The following PVALEF variants were observed in gnomAD, a reference collection of about 807,000 sequenced individuals.
PVALEF encodes the protein parvalbumin like EF-hand containing.
In PVALEF, 2 loss-of-function variants were observed where a neutral mutation model predicts 1.2. The observed-to-expected ratio is 1.68, with a 90% CI of 0.69 to 5.28. The LOEUF (loss-of-function observed/expected upper bound fraction) is 5.28, where lower values mean the gene tolerates loss of function less well. PVALEF is among the 30% of genes most tolerant of loss of function. The pLI is 0.06. For missense variants in PVALEF, 35 were observed against 17.7 expected (o/e 1.97, Z -1.75); for synonymous variants, 16 against 6.5 (o/e 2.47, Z -2.24).
At chr17:81,165,851 T>C (rs918858920) in intron 1 of PVALEF, 104 bp downstream of exon 1, 6 of 1,527,682 alleles carry the variant, frequency 3.9e-6, no homozygotes, top group Non-Finnish European at 4.4e-6. Context: ...TTAATTTCCA[T>C]GCAAACCGGG....
At chr17:81,166,956 G>A (rs188255821) in intron 2 of PVALEF, 112 bp downstream of exon 2, 152 of 317,746 alleles carry the variant, frequency 4.8e-4, no homozygotes, top group African/African-American at 3.3e-3. Context: ...TTGGGGCGGG[G>A]CAGGGTCCCC....
rs768560467 is a variant in PVALEF at position 81,183,016 on chromosome 17, A to G, written c.*5A>G. The G allele has an allele frequency of 9.0e-5, 36 of 398,578 alleles. No homozygotes were observed. Among genetic ancestry groups the G allele is most frequent in the Non-Finnish European group, 1.4e-4 (32 of 226,088 alleles). The allele number at this position is 398,578 out of a possible 1,614,324, so 24.7% of individuals were successfully genotyped here. A position where few individuals can be genotyped will look rare whatever the true frequency, so the allele number is the denominator to read the frequency against. ...AAAATTCCAAAGAAGAAGTAGCACC[A>G]TGACTAGCCCTGGCCAGCCAAGGGG... On this transcript the variant is annotated 3_prime_UTR_variant, in exon 7 of 7. Transcript: ENST00000637878.
rs528757136 is a variant in PVALEF, at chr17:81,172,750, C to T, written c.-340+5906C>T. 1.1e-4 allele frequency among the ~76,000 whole-genome samples: 16 copies of T among 152,122 alleles called. 1 individual carries two copies. Among genetic ancestry groups the T allele is most frequent in the South Asian group, 2.1e-4 (1 of 4,816 alleles). ...CTGCACTCCAGCCTGGGCGACAGAG[C>T]GAGACTCTGTCTCAAAACAAAACAA... is the stretch of plus-strand genomic sequence containing the variant. On this transcript the variant is annotated intron_variant, in intron 2 of 6. Transcript: ENST00000637878.
intron 2 of PVALEF, 56 bp downstream of exon 2, chr17:81,166,900 T>C (rs1271319076): frequency 8.9e-6 from 3 of 336,542 alleles, no homozygotes; most frequent in South Asian, 4.2e-5. Flanking sequence ...TCCCCTATGT[T>C]TCTCCCAGGA....
chr17:81,166,042 C>A (rs2061487006), intron 1 of PVALEF: 22 of 1,395,722 alleles, frequency 1.6e-5, no homozygotes, highest in Non-Finnish European at 1.8e-5. Context: ...GCGCTCAGGA[C>A]GCCCGCGGCC....
chr17:81,170,172 T>C (rs2061515400), intron 2 of PVALEF, among the ~76,000 whole-genome samples: 1 of 151,644 alleles, frequency 6.6e-6, no homozygotes, highest in African/African-American at 2.4e-5. Context: ...TGTGTGCATG[T>C]GTAGGTGTGT....
chr17:81,166,228 G>A (rs935437804), intron 1 of PVALEF, among the ~76,000 whole-genome samples: 1 of 136,896 alleles, frequency 7.3e-6, no homozygotes, highest in African/African-American at 2.7e-5. Context: ...GTCCGAAAAC[G>A]CGGGCGGGAG....
At chr17:81,168,668 C>T (rs8068170) in intron 2 of PVALEF, among the ~76,000 whole-genome samples, 8,192 of 152,192 alleles carry the variant, frequency 0.054, 560 homozygotes, top group African/African-American at 0.16. Context: ...AGGAGCTGAC[C>T]GAGGAGCCCA....
At chr17:81,182,886 CCT>C (rs2061559617) in intron 6 of PVALEF, 77 bp from the exon 7 acceptor site, 1 of 398,154 alleles carries the variant, frequency 2.5e-6, no homozygotes, top group African/African-American at 2.1e-5. Context: ...CCCTCTGCCT[CCT>C]CTGAGAGTTA....
At chr17:81,165,885 C>T (rs1023329520) in intron 1 of PVALEF, 138 bp downstream of exon 1, 10 of 1,550,202 alleles carry the variant, frequency 6.5e-6, no homozygotes, top group African/African-American at 2.8e-5. Flanking sequence ...AGGGGCATCA[C>T]GTCCGCAGCG....
chr17:81,179,321 C>T (rs1238943465), intron 3 of PVALEF, among the ~76,000 whole-genome samples, 169 bp downstream of exon 3: 3 of 152,156 alleles, frequency 2.0e-5, no homozygotes, highest in African/African-American at 7.2e-5. Flanking sequence ...AAGGAATGGC[C>T]CTCCCTGCCA....
Position 81,181,692 on chromosome 17 carries a change from CAAGT to C in PVALEF, c.242+1_242+4del. ...GTGGCTTCATTGAGTGGAACGAGAT[CAAGT>C]AATGGCTGGCGGCCACGGAGGGGTG... On this transcript the variant is annotated splice_donor_variant and coding_sequence_variant, in exon 5 of 7. Transcript: ENST00000637878. LOFTEE classifies it high-confidence loss of function. 2.5e-6 allele frequency: 1 copy of C among 400,946 alleles called. No homozygotes were observed. Among genetic ancestry groups the C allele is most frequent in the Non-Finnish European group, 4.4e-6 (1 of 227,640 alleles). 24.8% of individuals were successfully genotyped at this position (400,946 alleles called of 1,614,324 possible).
intron 2 of PVALEF, among the ~76,000 whole-genome samples, chr17:81,175,241 G>A (rs936843586): frequency 1.3e-5 from 2 of 152,086 alleles, no homozygotes; most frequent in Admixed American, 6.5e-5. Context: ...CTTGCACAAT[G>A]AAAACTACAA....
chr17:81,168,688 G>A (rs2061507776), intron 2 of PVALEF, among the ~76,000 whole-genome samples: 1 of 152,208 alleles, frequency 6.6e-6, no homozygotes, highest in Non-Finnish European at 1.5e-5. Context: ...AGATTGGCTG[G>A]GAGAGTGTCG....
At position 81,166,658 on chromosome 17, in the gene PVALEF, G is replaced by A. The variant is rs1299845200; in HGVS notation, c.-507-19G>A. ...CCAGGGCGGGTCTTGGTGCTCAGGG[G>A]CCCTCGCCTCACTTGCAGGTTTCGA... On this transcript the variant is annotated intron_variant, in intron 1 of 6. Coordinates refer to ENST00000637878, the MANE Select transcript of PVALEF (RefSeq NM_001354639.2). 2.2e-6 allele frequency: 1 copy of A among 453,866 alleles called. No individual in the cohort carries two copies. Among genetic ancestry groups the A allele is most frequent in the East Asian group, 7.0e-5 (1 of 14,346 alleles). 28.1% of individuals were successfully genotyped at this position (453,866 alleles called of 1,614,324 possible).
intron 1 of PVALEF, chr17:81,166,011 C>T (rs369695520): frequency 1.6e-4 from 240 of 1,542,516 alleles, no homozygotes; most frequent in Non-Finnish European, 2.0e-4. Context: ...CAGCGGCCGG[C>T]GGGCATCCCG....
chr17:81,172,328 T>C (rs924772728), intron 2 of PVALEF, among the ~76,000 whole-genome samples: 13 of 152,200 alleles, frequency 8.5e-5, no homozygotes, highest in Non-Finnish European at 1.3e-4. Flanking sequence ...GGCAGGACCA[T>C]GGACTCTTCC....
chr17:81,176,526 A>G (rs942479411), intron 2 of PVALEF, among the ~76,000 whole-genome samples: 1 of 152,044 alleles, frequency 6.6e-6, no homozygotes, highest in Admixed American at 6.5e-5. Context: ...TCAAAACAAA[A>G]AAAAGGAAAC....
intron 2 of PVALEF, among the ~76,000 whole-genome samples, chr17:81,172,111 C>T (rs903278314): frequency 6.6e-6 from 1 of 152,238 alleles, no homozygotes; most frequent in Non-Finnish European, 1.5e-5. Flanking sequence ...CTCACTCTGG[C>T]CTGCTGGTGC....
Sources: gnomAD v4.1 joint callset for allele counts (sites outside exome capture counted in the v4.1 genomes callset) on GRCh38, gnomAD v4.1.1 for gene constraint, MANE v1.5 for transcripts, NCBI Gene and HGNC (gene_info 2026-07-23, HGNC 2026-07-21) for gene names.